NCS1: variants seen among roughly 807,000 people sequenced by gnomAD.
NCS1 encodes the protein neuronal calcium sensor 1.
A neutral mutation model predicts 28.4 loss-of-function variants in NCS1; 6 were observed. That is an observed-to-expected ratio of 0.21 (90% CI 0.12 to 0.42). NCS1 has a LOEUF of 0.42. Ranked by LOEUF, NCS1 falls within the 10% of genes least tolerant of loss-of-function variation. The pLI is 1.00. For synonymous variants in NCS1, 86 were observed against 99.3 expected (o/e 0.87, Z 0.79); for missense variants, 131 against 241.4 (o/e 0.54, Z 3.03).
chr9:130,200,029 C>T (rs575217587), intron 1 of NCS1, among the ~76,000 whole-genome samples: 1 of 152,320 alleles, frequency 6.6e-6, no homozygotes, highest in South Asian at 2.1e-4. Flanking sequence ...CTGGCCTTTC[C>T]AGGTGTCTGA....
chr9:130,179,995 T>TTATCTATC (rs56120429), intron 1 of NCS1, among the ~76,000 whole-genome samples: 4 of 145,146 alleles, frequency 2.8e-5, no homozygotes, highest in Admixed American at 7.0e-5. Flanking sequence ...TGCCTTCTTT[T>TTATCTATC]TATCTATCTA....
chr9:130,222,087 T>TACATAA (rs782061082), intron 4 of NCS1, among the ~76,000 whole-genome samples: 2,834 of 85,640 alleles, frequency 0.033, 1,245 homozygotes, highest in Admixed American at 0.052. Context: ...TATAAATATA[T>TACATAA]ATATGTGTGT....
intron 1 of NCS1, among the ~76,000 whole-genome samples, chr9:130,187,593 G>A (rs782683055): frequency 8.5e-5 from 13 of 152,190 alleles, no homozygotes; most frequent in South Asian, 2.1e-4. Flanking sequence ...TCGGTGTTTC[G>A]GAAGCAGATC....
In NCS1 at chr9:130,191,995, T is replaced by C. The variant is rs1949654764; in HGVS notation, c.65-8963T>C. Among the ~76,000 whole-genome samples, 1 of 151,922 alleles carries C rather than the reference T, an allele frequency of 6.6e-6. No homozygotes were observed. The highest frequency in any genetic ancestry group is 6.5e-5 in the Admixed American group (1 of 15,272). ...GGCTGGGGAACGCGCGGCGAGTGGG[T>C]CAGGGCGAGGGGCTCCTGCAGCGGC... On this transcript the variant is annotated intron_variant, in intron 1 of 7. Transcript: ENST00000372398. The surrounding 1 kb of genome is among the most constrained non-coding windows in gnomAD (Gnocchi z 6.4).
At chr9:130,221,762 A>G (rs1425467483) in intron 4 of NCS1, among the ~76,000 whole-genome samples, 1 of 140,992 alleles carries the variant, frequency 7.1e-6, no homozygotes, top group African/African-American at 2.6e-5. Context: ...ATAAATAAAT[A>G]TATATATACA....
Position 130,180,895 on chromosome 9 carries a change from C to T in NCS1, c.64+8168C>T, listed in dbSNP as rs530234478. On this transcript the variant is annotated intron_variant, in intron 1 of 7. Transcript: ENST00000372398. This position sits in a 1 kb window ranked among gnomAD's most constrained non-coding sequence, Gnocchi z 4.5. Reference sequence around the variant, plus strand: ...GTGGTGGCCCGGCTGGGTTGGTGGCCGGATTGTTCTGTGTCTGGCTCCTGG... The same window carrying T: ...GTGGTGGCCCGGCTGGGTTGGTGGCTGGATTGTTCTGTGTCTGGCTCCTGG... Among the ~76,000 whole-genome samples, 11 of 152,182 alleles carry T rather than the reference C, an allele frequency of 7.2e-5. No individual in the cohort carries two copies. Among genetic ancestry groups the T allele is most frequent in the East Asian group, 1.9e-4 (1 of 5,174 alleles).
rs1833421994 is a variant in NCS1, at chr9:130,226,797, C to T, written c.*17+293C>T. 6.6e-6 allele frequency among the ~76,000 whole-genome samples: 1 copy of T among 152,068 alleles called. No individual in the cohort carries two copies. The highest frequency in any genetic ancestry group is 1.5e-5 in the Non-Finnish European group (1 of 68,010). On this transcript the variant is annotated intron_variant, in intron 7 of 7. Coordinates refer to ENST00000372398, the MANE Select transcript of NCS1 (RefSeq NM_014286.4). The surrounding 1 kb of genome is among the most constrained non-coding windows in gnomAD (Gnocchi z 4.8). ...ATCCCAGCACTTTGGGAAGCTGAAG[C>T]AGGCGGATCACCAGGTCAGGAGTTC...
At chr9:130,231,481 T>A (rs1554912105) in intron 7 of NCS1, among the ~76,000 whole-genome samples, 1 of 152,028 alleles carries the variant, frequency 6.6e-6, no homozygotes, top group African/African-American at 2.4e-5. Context: ...CCTCCTGGAT[T>A]CAAGCGATTC....
chr9:130,220,517 C>T lies in NCS1; in HGVS notation c.307+714C>T, dbSNP rs10118212. Among the ~76,000 whole-genome samples, 604 of 151,650 alleles carry T rather than the reference C, an allele frequency of 4.0e-3. 3 individuals are homozygous for T. The highest frequency in any genetic ancestry group is 0.014 in the African/African-American group (574 of 41,314). On this transcript the variant is annotated intron_variant, in intron 4 of 7. Transcript: ENST00000372398. ...GGGATGAGAGGAGCTGGGGAGGGGG[C>T]GTTAAGGGCTCCAGCCAGGGGGCCC...
rs1413796125 is a variant in NCS1, at chr9:130,192,596, A to G, written c.65-8362A>G. Among the ~76,000 whole-genome samples the G allele has an allele frequency of 6.6e-6, 1 of 152,036 alleles. No individual in the cohort carries two copies. Among genetic ancestry groups the G allele is most frequent in the Non-Finnish European group, 1.5e-5 (1 of 67,992 alleles). On this transcript the variant is annotated intron_variant, in intron 1 of 7. Transcript: ENST00000372398. The surrounding 1 kb of genome is among the most constrained non-coding windows in gnomAD (Gnocchi z 4.8). ...GAGGGGAGGGTGCGTGGCCACGTTCACACATTGGGTCAGGAGCAAAGGTGG... is the reference window on the plus strand; with the variant it reads ...GAGGGGAGGGTGCGTGGCCACGTTCGCACATTGGGTCAGGAGCAAAGGTGG...
intron 7 of NCS1, among the ~76,000 whole-genome samples, chr9:130,229,661 A>G (rs28408175): frequency 0.054 from 8,204 of 152,202 alleles, 689 homozygotes; most frequent in African/African-American, 0.18. Flanking sequence ...ACCATGTCAT[A>G]TTATTTCCAT....
At chr9:130,210,735 A>G (rs1171818913) in intron 2 of NCS1, among the ~76,000 whole-genome samples, 2 of 152,148 alleles carry the variant, frequency 1.3e-5, no homozygotes, top group African/African-American at 2.4e-5. Context: ...GGTCACACAC[A>G]GGTCAAGAGT....
intron 1 of NCS1, among the ~76,000 whole-genome samples, chr9:130,173,900 A>G (rs1226454822): frequency 2.0e-5 from 3 of 152,262 alleles, no homozygotes; most frequent in South Asian, 4.1e-4. Flanking sequence ...CTTCAGCTCC[A>G]TGCCCCTCAC....
At position 130,209,551 on chromosome 9, in the gene NCS1, G is replaced by A. The variant is rs1588119201; in HGVS notation, c.90-8281G>A. ...TGCCAGGCCAGTGCCGGTTGCGGGCGGGCATCCGGGACTGAGGGGGGCGAG... is the reference window on the plus strand; with the variant it reads ...TGCCAGGCCAGTGCCGGTTGCGGGCAGGCATCCGGGACTGAGGGGGGCGAG... On this transcript the variant is annotated intron_variant, in intron 2 of 7. Coordinates refer to ENST00000372398, the MANE Select transcript of NCS1 (RefSeq NM_014286.4). This position sits in a 1 kb window ranked among gnomAD's most constrained non-coding sequence, Gnocchi z 4.4. Among the ~76,000 whole-genome samples, 1 of 152,156 alleles carries A rather than the reference G, an allele frequency of 6.6e-6. No individual in the cohort carries two copies. The highest frequency in any genetic ancestry group is 2.1e-4 in the South Asian group (1 of 4,828).
In NCS1 at chr9:130,192,297, C is replaced by T. The variant is rs1254804164; in HGVS notation, c.65-8661C>T. ...TGAGCTTGGAGGCAGTGCCGCCGAG[C>T]ACTCCATTTTAGAGAAGAGGCTGCC... On this transcript the variant is annotated intron_variant, in intron 1 of 7. Coordinates refer to ENST00000372398, the MANE Select transcript of NCS1 (RefSeq NM_014286.4). This position sits in a 1 kb window ranked among gnomAD's most constrained non-coding sequence, Gnocchi z 4.8. Among the ~76,000 whole-genome samples, 6 of 152,144 alleles carry T rather than the reference C, an allele frequency of 3.9e-5. No homozygotes were observed. The highest frequency in any genetic ancestry group is 7.2e-5 in the African/African-American group (3 of 41,420).
intron 2 of NCS1, among the ~76,000 whole-genome samples, chr9:130,204,268 A>T (rs10739775): frequency 0.89 from 135,401 of 151,894 alleles, 60,941 homozygotes; most frequent in East Asian, 1. Context: ...AAATGCTGGG[A>T]TTACATATAT....
Position 130,192,894 on chromosome 9 carries a change from T to G in NCS1, c.65-8064T>G, listed in dbSNP as rs1046903015. ...TTTCTGTCCTCCCCACCTCCCAGTG[T>G]GCGGTACTCCATGGTTGGCACAGCT... is the stretch of plus-strand genomic sequence containing the variant. On this transcript the variant is annotated intron_variant, in intron 1 of 7. Transcript: ENST00000372398. This position sits in a 1 kb window ranked among gnomAD's most constrained non-coding sequence, Gnocchi z 4.8. 3.3e-5 allele frequency among the ~76,000 whole-genome samples: 5 copies of G among 152,168 alleles called. No individual in the cohort carries two copies. The highest frequency in any genetic ancestry group is 1.3e-4 in the Admixed American group (2 of 15,284).
At position 130,230,282 on chromosome 9, in the gene NCS1, C is replaced by T. The variant is rs181840406; in HGVS notation, c.*18-2708C>T. Among the ~76,000 whole-genome samples the T allele has an allele frequency of 7.2e-4, 110 of 152,012 alleles. 1 individual carries two copies. Among genetic ancestry groups the T allele is most frequent in the African/African-American group, 2.6e-3 (108 of 41,452 alleles). On this transcript the variant is annotated intron_variant, in intron 7 of 7. Coordinates refer to ENST00000372398, the MANE Select transcript of NCS1 (RefSeq NM_014286.4). ...AGGAGAATTGCTTGAACCTGGGAGGCGGAGGTTGCAGTGAGCCAAAACCAC... is the reference window on the plus strand; with the variant it reads ...AGGAGAATTGCTTGAACCTGGGAGGTGGAGGTTGCAGTGAGCCAAAACCAC...
intron 2 of NCS1, among the ~76,000 whole-genome samples, chr9:130,205,404 G>A (rs1554907950): frequency 6.6e-6 from 1 of 151,988 alleles, no homozygotes; most frequent in African/African-American, 2.4e-5. Flanking sequence ...AAAGCAACCT[G>A]CTTTAGGGAT....
Sources: allele counts gnomAD v4.1 joint callset (sites outside exome capture counted in the v4.1 genomes callset), GRCh38; gene constraint gnomAD v4.1.1; non-coding constraint Gnocchi (gnomAD v3.1); transcripts MANE v1.5; gene names NCBI Gene and HGNC (gene_info 2026-07-23, HGNC 2026-07-21).